CFLAR: variants seen among roughly 807,000 people sequenced by gnomAD.
CFLAR encodes the protein CASP8 and FADD like apoptosis regulator, also known as CASP8 and FADD-like apoptosis regulator.
Under a neutral mutation model 51.1 loss-of-function variants are expected in CFLAR, and 14 were observed. The observed-to-expected ratio is 0.27, with a 90% CI of 0.18 to 0.43. CFLAR has a LOEUF of 0.43. CFLAR is among the 20% of genes least tolerant of loss of function. The probability of loss-of-function intolerance (pLI) is 1.00; values close to 1 mark genes in which losing one functional copy is unlikely to be tolerated. For missense variants in CFLAR, 390 were observed against 566.5 expected (o/e 0.69, Z 3.16); for synonymous variants, 210 against 211.6 (o/e 0.99, Z 0.06).
chr2:201,120,592 T>C (rs2048103859), intron 1 of CFLAR, among the ~76,000 whole-genome samples: 1 of 152,032 alleles, frequency 6.6e-6, no homozygotes, highest in Non-Finnish European at 1.5e-5. Flanking sequence ...ATATGTATAT[T>C]TGTATACTTT....
At chr2:201,140,619 G>A in intron 5 of CFLAR, 180 bp downstream of exon 5, 1 of 543,870 alleles carries the variant, frequency 1.8e-6, no homozygotes, top group Non-Finnish European at 3.2e-6. Context: ...TGTTCATTGA[G>A]ATATTTGGAG....
chr2:201,164,955 A>G lies in CFLAR; in HGVS notation c.*982A>G, dbSNP rs549282701. 2.3e-3 allele frequency: 347 copies of G among 152,248 alleles called. 1 individual carries two copies. Among genetic ancestry groups the G allele is most frequent in the African/African-American group, 7.7e-3 (319 of 41,538 alleles). 9.4% of individuals were successfully genotyped at this position (152,248 alleles called of 1,614,324 possible). On this transcript the variant is annotated 3_prime_UTR_variant, in exon 10 of 10. Transcript: ENST00000309955. Reference sequence around the variant, plus strand: ...AAAAAGAGGATGCAAACTCTCAAGTATATCTTTAAGGGCACAAATTCCATT... The same window carrying G: ...AAAAAGAGGATGCAAACTCTCAAGTGTATCTTTAAGGGCACAAATTCCATT...
At chr2:201,130,995 T>C (rs1431208602) in intron 2 of CFLAR, among the ~76,000 whole-genome samples, 1 of 152,238 alleles carries the variant, frequency 6.6e-6, no homozygotes, top group African/African-American at 2.4e-5. Context: ...GCTCCCTTCC[T>C]GCACTTCCTG....
chr2:201,151,565 T>A (rs1941288442), intron 8 of CFLAR, among the ~76,000 whole-genome samples: 1 of 145,858 alleles, frequency 6.9e-6, no homozygotes, highest in African/African-American at 2.6e-5. Context: ...AGTGTCTTCT[T>A]TTCAGCCATT....
At chr2:201,149,685 A>G (rs912214485) in intron 7 of CFLAR, 69 bp from the exon 8 acceptor site, 5 of 1,183,754 alleles carry the variant, frequency 4.2e-6, no homozygotes, top group East Asian at 4.7e-5. Context: ...AAGAGATGGT[A>G]TATGGGTGGG....
At chr2:201,158,731 T>A (rs1199124965) in intron 8 of CFLAR, among the ~76,000 whole-genome samples, 3 of 152,126 alleles carry the variant, frequency 2.0e-5, no homozygotes, top group African/African-American at 4.8e-5. Context: ...TTCTTTTTTT[T>A]ATAAAGGGTA....
At chr2:201,163,688 T>A in intron 9 of CFLAR, 147 bp from the exon 10 acceptor site, 1 of 1,443,892 alleles carries the variant, frequency 6.9e-7, no homozygotes, top group Non-Finnish European at 9.1e-7. Flanking sequence ...GCAAGTTAGT[T>A]TGGATCATTT....
rs565816260 is a variant in CFLAR at position 201,167,764 on chromosome 2, G to C, written c.*3791G>C. On this transcript the variant is annotated 3_prime_UTR_variant, in exon 10 of 10. Transcript: ENST00000309955. Reference sequence around the variant, plus strand: ...TGAACCATGAAGATACGGGCCACACGTAGGGGTAGCTGGGTAGTGAGCAGC... The same window carrying C: ...TGAACCATGAAGATACGGGCCACACCTAGGGGTAGCTGGGTAGTGAGCAGC... The C allele has an allele frequency of 6.6e-6, 1 of 152,250 alleles. No homozygotes were observed. The highest frequency in any genetic ancestry group is 2.4e-5 in the African/African-American group (1 of 41,440). The allele number at this position is 152,250 out of a possible 1,614,324, so 9.4% of individuals were successfully genotyped here. A position where few individuals can be genotyped will look rare whatever the true frequency, so the allele number is the denominator to read the frequency against.
intron 4 of CFLAR, 138 bp from the exon 5 acceptor site, chr2:201,140,219 T>A (rs1938343488): frequency 4.8e-6 from 5 of 1,049,384 alleles, no homozygotes; most frequent in Admixed American, 6.0e-5. Context: ...TCATCTGAAA[T>A]TTTGAATTCA....
In CFLAR at chr2:201,164,083, T is replaced by C; in HGVS notation, c.*110T>C. ...GAGTTCGAGACCAGCCTGGCCAACA[T>C]GGTAAACGCTGTCCCTAGTAAAAAT... On this transcript the variant is annotated 3_prime_UTR_variant, in exon 10 of 10. Coordinates refer to ENST00000309955, the MANE Select transcript of CFLAR (RefSeq NM_003879.7). The C allele has an allele frequency of 1.3e-6, 1 of 769,892 alleles. No individual in the cohort carries two copies. The highest frequency in any genetic ancestry group is 2.0e-6 in the Non-Finnish European group (1 of 493,968). The allele number at this position is 769,892 out of a possible 1,614,324, so 47.7% of individuals were successfully genotyped here.
intron 4 of CFLAR, chr2:201,139,008 GA>G (rs761936542): frequency 4.0e-6 from 2 of 495,702 alleles, no homozygotes; most frequent in Non-Finnish European, 7.9e-6. Flanking sequence ...ACGGTGTGGG[GA>G]AAAGAAAGAG....
intron 2 of CFLAR, among the ~76,000 whole-genome samples, chr2:201,131,713 T>C (rs930083760): frequency 1.3e-5 from 2 of 152,060 alleles, no homozygotes; most frequent in Non-Finnish European, 2.9e-5. Context: ...GTTTGTTTGT[T>C]TGTTTTTGAG....
Position 201,160,563 on chromosome 2 carries a change from G to A in CFLAR, c.925G>A (p.Val309Met). 1 of 1,614,078 alleles carries A rather than the reference G, an allele frequency of 6.2e-7. No individual in the cohort carries two copies. Among genetic ancestry groups the A allele is most frequent in the Non-Finnish European group, 8.5e-7 (1 of 1,180,022 alleles). Residue 309 changes from valine (V) to methionine (M), a missense_variant, in exon 9 of 10, where the codon GTG becomes ATG. Val to Met is a conservative substitution (Grantham distance 21). Coordinates refer to ENST00000309955, the MANE Select transcript of CFLAR (RefSeq NM_003879.7). ...MPEHRDYDSF[V>M]CVLVSRGGSQ... ...CGAGCACCGAGACTACGACAGCTTT[G>A]TGTGTGTCCTGGTGAGCCGAGGAGG...
intron 4 of CFLAR, chr2:201,136,602 T>A (rs2050163587): frequency 1.4e-6 from 2 of 1,438,588 alleles, no homozygotes. Flanking sequence ...ATTGGCCTTC[T>A]GCTTTACTTG....
At chr2:201,139,563 G>A (rs1408718642) in intron 4 of CFLAR, 6 of 154,040 alleles carry the variant, frequency 3.9e-5, no homozygotes, top group Non-Finnish European at 7.2e-5. Flanking sequence ...TCCATCTGCT[G>A]AGATAGGGGA....
chr2:201,130,181 G>A (rs759945996), intron 2 of CFLAR, 35 bp downstream of exon 2: 5 of 1,422,674 alleles, frequency 3.5e-6, no homozygotes, highest in Non-Finnish European at 3.7e-6. Context: ...CTGGGTGGGT[G>A]GGAGGGAGTG....
intron 9 of CFLAR, chr2:201,162,955 T>G (rs1414982379): frequency 1.4e-6 from 1 of 706,464 alleles, no homozygotes; most frequent in Non-Finnish European, 2.6e-6. Context: ...TTAAACATCC[T>G]TGTAACTTAG....
Position 201,164,415 on chromosome 2 carries a change from T to C in CFLAR, c.*442T>C, listed in dbSNP as rs1943351596. On this transcript the variant is annotated 3_prime_UTR_variant, in exon 10 of 10. Coordinates refer to ENST00000309955, the MANE Select transcript of CFLAR (RefSeq NM_003879.7). ...GTATTGACTCACATGATCACAGGGT[T>C]AGGTCCCACAATAGGTCATCTGCAA... The C allele has an allele frequency of 6.6e-6, 1 of 152,642 alleles. No homozygotes were observed. The highest frequency in any genetic ancestry group is 2.4e-5 in the African/African-American group (1 of 41,422). The allele number at this position is 152,642 out of a possible 1,614,324, so 9.5% of individuals were successfully genotyped here. A position where few individuals can be genotyped will look rare whatever the true frequency, so the allele number is the denominator to read the frequency against.
At chr2:201,163,750 C>T in intron 9 of CFLAR, 85 bp from the exon 10 acceptor site, 2 of 1,529,922 alleles carry the variant, frequency 1.3e-6, no homozygotes, top group Non-Finnish European at 8.8e-7. Flanking sequence ...AGAACTTTCA[C>T]ATCTGTTGGC....
Sources: allele counts gnomAD v4.1 joint callset (sites outside exome capture counted in the v4.1 genomes callset), GRCh38; gene constraint gnomAD v4.1.1; transcripts MANE v1.5; gene names NCBI Gene and HGNC (gene_info 2026-07-23, HGNC 2026-07-21).